TMEM132D: variants seen among roughly 807,000 people sequenced by gnomAD.
TMEM132D encodes mature OL transmembrane protein.
In TMEM132D, 21 loss-of-function variants were observed where a neutral mutation model predicts 62.3. The observed-to-expected ratio is 0.34, with a 90% confidence interval of 0.24 to 0.49. The LOEUF is 0.49. Ranked by LOEUF, TMEM132D falls within the 20% of genes least tolerant of loss-of-function variation. TMEM132D has a pLI of 0.99. For synonymous variants in TMEM132D, 621 were observed against 575.6 expected (o/e 1.08, Z -1.13); for missense variants, 1,346 against 1,402.8 (o/e 0.96, Z 0.65).
chr12:129,420,666 A>G (rs1872292187), intron 3 of TMEM132D, among the ~76,000 whole-genome samples: 1 of 152,164 alleles, frequency 6.6e-6, no homozygotes, highest in Non-Finnish European at 1.5e-5. Flanking sequence ...GAGCCCAACC[A>G]ACGCTCAGCA....
chr12:129,191,025 G>A (rs1397018529), intron 5 of TMEM132D, among the ~76,000 whole-genome samples: 2 of 151,826 alleles, frequency 1.3e-5, no homozygotes, highest in Non-Finnish European at 2.9e-5. Context: ...GGCTCCAGAC[G>A]CCCCCTCCGG....
intron 1 of TMEM132D, among the ~76,000 whole-genome samples, chr12:129,824,338 T>C (rs1488409901): frequency 6.6e-6 from 1 of 152,110 alleles, no homozygotes; most frequent in Admixed American, 6.6e-5. Context: ...TTTTGAAAAA[T>C]GTTTATTATG....
intron 3 of TMEM132D, among the ~76,000 whole-genome samples, chr12:129,450,750 C>CTTTTT (rs869041495): frequency 9.3e-4 from 95 of 102,562 alleles, no homozygotes; most frequent in African/African-American, 1.5e-3. Flanking sequence ...TCCATCGCTT[C>CTTTTT]TTTTTTTTTT....
intron 1 of TMEM132D, among the ~76,000 whole-genome samples, chr12:129,831,183 C>T (rs1439860110): frequency 6.6e-6 from 1 of 152,212 alleles, no homozygotes; most frequent in African/African-American, 2.4e-5. Context: ...AGCCCACTCA[C>T]CAGCACATCA....
intron 3 of TMEM132D, among the ~76,000 whole-genome samples, chr12:129,417,252 T>C (rs1217579927): frequency 1.3e-5 from 2 of 152,004 alleles, no homozygotes; most frequent in African/African-American, 2.4e-5. Flanking sequence ...GACAATCCTA[T>C]GCAAAAAGAA....
rs553476282 is a variant in TMEM132D, at chr12:129,217,200, AC to A, written c.1300-7538del. Among the ~76,000 whole-genome samples, 4 of 152,266 alleles carry A rather than the reference AC, an allele frequency of 2.6e-5. No homozygotes were observed. The East Asian group carries it at 7.7e-4, about 29-fold the overall frequency. ...AAAGCATCAAAGTGCTTAACTATAC[AC>A]CATGGAATACTATACAGCCATAAAA... On this transcript the variant is annotated intron_variant, in intron 4 of 8. Coordinates refer to ENST00000422113, the MANE Select transcript of TMEM132D (RefSeq NM_133448.3).
chr12:129,541,059 G>A (rs553443483), intron 2 of TMEM132D, among the ~76,000 whole-genome samples: 20 of 152,198 alleles, frequency 1.3e-4, no homozygotes, highest in Non-Finnish European at 2.1e-4. Flanking sequence ...GAGACAGAAC[G>A]CATGCATGCA....
intron 2 of TMEM132D, among the ~76,000 whole-genome samples, chr12:129,569,885 G>A (rs1877463785): frequency 6.6e-6 from 1 of 152,122 alleles, no homozygotes; most frequent in African/African-American, 2.4e-5. Context: ...GTGGGTGGAT[G>A]GAAACTGAAC....
At chr12:129,162,702 A>G (rs949926070) in intron 5 of TMEM132D, among the ~76,000 whole-genome samples, 1 of 152,048 alleles carries the variant, frequency 6.6e-6, no homozygotes, top group East Asian at 1.9e-4. Flanking sequence ...GATTTTACCA[A>G]ATGATGTGCC....
chr12:129,814,535 C>T (rs545794259), intron 1 of TMEM132D, among the ~76,000 whole-genome samples: 5 of 135,530 alleles, frequency 3.7e-5, no homozygotes, highest in Admixed American at 3.5e-4. Context: ...CGCTTGAACC[C>T]GGGAGACAGA....
At chr12:129,224,037 G>A (rs1286942782) in intron 4 of TMEM132D, among the ~76,000 whole-genome samples, 1 of 152,056 alleles carries the variant, frequency 6.6e-6, no homozygotes, top group Non-Finnish European at 1.5e-5. Context: ...CATCCCCCTA[G>A]TATGACAGCC....
At chr12:129,309,229 C>T (rs929646710) in intron 4 of TMEM132D, among the ~76,000 whole-genome samples, 2 of 151,696 alleles carry the variant, frequency 1.3e-5, no homozygotes, top group Admixed American at 1.3e-4. Context: ...TAATATATTC[C>T]CTCTGGTTCT....
At chr12:129,605,571 T>C (rs1878593345) in intron 2 of TMEM132D, among the ~76,000 whole-genome samples, 1 of 113,672 alleles carries the variant, frequency 8.8e-6, no homozygotes, top group African/African-American at 3.6e-5. Context: ...TTTAAATTAT[T>C]ATGGGAAATT....
Position 129,337,493 on chromosome 12 carries a change from G to T in TMEM132D, c.1299+141C>A, listed in dbSNP as rs1015506310. 33 of 863,790 alleles carry T rather than the reference G, an allele frequency of 3.8e-5. No homozygotes were observed. The African/African-American group carries it at 5.3e-4, about 14-fold the overall frequency. The allele number at this position is 863,790 out of a possible 1,614,324, so 53.5% of individuals were successfully genotyped here. On this transcript the variant is annotated intron_variant, in intron 4 of 8. Coordinates refer to ENST00000422113, the MANE Select transcript of TMEM132D (RefSeq NM_133448.3). ...CACACATAACGATTGGCTATTGGCA[G>T]TCAACTTTGTGGTTTCGTTTCTCAC...
At chr12:129,400,250 C>T (rs751962334) in intron 3 of TMEM132D, among the ~76,000 whole-genome samples, 5 of 152,070 alleles carry the variant, frequency 3.3e-5, no homozygotes, top group Admixed American at 3.3e-4. Flanking sequence ...AAAATAGTAT[C>T]CAGTCGCAGA....
chr12:129,257,351 C>G (rs1028611691), intron 4 of TMEM132D, among the ~76,000 whole-genome samples: 1 of 151,882 alleles, frequency 6.6e-6, no homozygotes, highest in Non-Finnish European at 1.5e-5. Flanking sequence ...GGACTACAGG[C>G]GCCCGCCACC....
intron 1 of TMEM132D, among the ~76,000 whole-genome samples, chr12:129,724,526 T>C (rs964192172): frequency 6.6e-6 from 1 of 152,194 alleles, no homozygotes; most frequent in Non-Finnish European, 1.5e-5. Flanking sequence ...TGTTTCTGTT[T>C]TTGTTTTTGT....
At chr12:129,443,327 G>T (rs1256057812) in intron 3 of TMEM132D, among the ~76,000 whole-genome samples, 1 of 152,130 alleles carries the variant, frequency 6.6e-6, no homozygotes, top group Non-Finnish European at 1.5e-5. Flanking sequence ...ACACCTCAAG[G>T]TCTATGTCAA....
chr12:129,561,717 G>A (rs1389229135), intron 2 of TMEM132D, among the ~76,000 whole-genome samples: 3 of 152,178 alleles, frequency 2.0e-5, no homozygotes, highest in Non-Finnish European at 4.4e-5. Flanking sequence ...TTATCTCTGG[G>A]TTCTCTGCCC....
Sources: gnomAD v4.1 joint callset for allele counts (sites outside exome capture counted in the v4.1 genomes callset) on GRCh38, gnomAD v4.1.1 for gene constraint, MANE v1.5 for transcripts, NCBI Gene and HGNC (gene_info 2026-07-23, HGNC 2026-07-21) for gene names.